Variants in CSMD1 observed in about 807,000 individuals in gnomAD.
CSMD1 encodes the protein CUB and sushi domain-containing protein 1.
A neutral mutation model predicts 417.5 loss-of-function variants in CSMD1; 213 were observed. The observed-to-expected ratio is 0.51, with a 90% CI of 0.46 to 0.57. The LOEUF is 0.57. CSMD1 is among the 20% of genes least tolerant of loss of function. The pLI is 0.00. For synonymous variants in CSMD1, 2,862 were observed against 1,736.8 expected, an observed-to-expected ratio of 1.65 and a Z score of -16.11; for missense variants, 6,923 against 4,529.7, an observed-to-expected ratio of 1.53 and a Z score of -15.17.
chr8:3,837,781 C>G (rs904512315), intron 5 of CSMD1, among the ~76,000 whole-genome samples: 7 of 151,360 alleles, frequency 4.6e-5, no homozygotes, highest in Admixed American at 1.3e-4. Context: ...TTTGTTTTCT[C>G]AGACTGCACT....
chr8:4,704,750 G>T (rs191814293), intron 1 of CSMD1, among the ~76,000 whole-genome samples: 1 of 152,164 alleles, frequency 6.6e-6, no homozygotes, highest in South Asian at 2.1e-4. Context: ...TTCTGGATAT[G>T]TGTGAGTTGT....
At chr8:4,649,060 G>A (rs1284942718) in intron 1 of CSMD1, among the ~76,000 whole-genome samples, 2 of 152,058 alleles carry the variant, frequency 1.3e-5, no homozygotes, top group African/African-American at 4.8e-5. Flanking sequence ...GGCTTCAGTT[G>A]GTATATTTGC....
intron 23 of CSMD1, among the ~76,000 whole-genome samples, chr8:3,314,134 T>G (rs1478022135): frequency 3.6e-5 from 5 of 139,592 alleles, no homozygotes; most frequent in African/African-American, 5.5e-5. Context: ...GTGGGGGGAG[T>G]GGGGAGGGAT....
At chr8:3,265,481 C>T (rs1296133775) in intron 26 of CSMD1, among the ~76,000 whole-genome samples, 2 of 152,164 alleles carry the variant, frequency 1.3e-5, no homozygotes, top group Non-Finnish European at 2.9e-5. Context: ...GGTGTTTAAC[C>T]GCAACCTGTC....
chr8:3,520,406 T>C (rs1465604183), intron 10 of CSMD1, among the ~76,000 whole-genome samples: 1 of 152,148 alleles, frequency 6.6e-6, no homozygotes, highest in Non-Finnish European at 1.5e-5. Flanking sequence ...AAGTATATCA[T>C]CACATACAGC....
At chr8:4,891,010 C>G (rs1255755258) in intron 1 of CSMD1, among the ~76,000 whole-genome samples, 2 of 152,072 alleles carry the variant, frequency 1.3e-5, no homozygotes, top group Non-Finnish European at 2.9e-5. Flanking sequence ...AAGACCTCTC[C>G]AAATAAATAG....
chr8:3,801,700 A>T (rs1800469137), intron 5 of CSMD1, among the ~76,000 whole-genome samples: 1 of 152,220 alleles, frequency 6.6e-6, no homozygotes, highest in African/African-American at 2.4e-5. Context: ...CATTCATAAT[A>T]TCCAAAATAT....
intron 18 of CSMD1, among the ~76,000 whole-genome samples, chr8:3,373,894 A>G (rs1218163924): frequency 6.6e-6 from 1 of 152,168 alleles, no homozygotes; most frequent in African/African-American, 2.4e-5. Flanking sequence ...TTGAAGAACA[A>G]AAGAGGAGAC....
At chr8:4,838,233 C>G (rs1016562324) in intron 1 of CSMD1, among the ~76,000 whole-genome samples, 2 of 152,176 alleles carry the variant, frequency 1.3e-5, no homozygotes, top group African/African-American at 4.8e-5. Context: ...GGGTTTCGTT[C>G]TGGGTTTTAT....
At chr8:4,986,104 A>T (rs965499886) in intron 1 of CSMD1, among the ~76,000 whole-genome samples, 2 of 152,222 alleles carry the variant, frequency 1.3e-5, no homozygotes, top group African/African-American at 2.4e-5. Flanking sequence ...AAATGTGGTG[A>T]CTAAAATTGT....
At chr8:3,345,029 G>C (rs147174219) in intron 22 of CSMD1, among the ~76,000 whole-genome samples, 3,806 of 152,312 alleles carry the variant, frequency 0.025, 71 homozygotes, top group Non-Finnish European at 0.035. Context: ...GGGTCAAAGA[G>C]AAAAGGTGCA....
chr8:3,420,708 C>G (rs1406677330), intron 12 of CSMD1, among the ~76,000 whole-genome samples: 2 of 152,178 alleles, frequency 1.3e-5, no homozygotes, highest in African/African-American at 2.4e-5. Flanking sequence ...GGTCTTAATA[C>G]CTTTGTCACG....
intron 23 of CSMD1, among the ~76,000 whole-genome samples, chr8:3,330,655 A>T (rs1015574692): frequency 6.6e-6 from 1 of 152,180 alleles, no homozygotes; most frequent in Admixed American, 6.5e-5. Flanking sequence ...TACTAGGCTT[A>T]GTGCCTGGGT....
chr8:4,037,183 G>A (rs1409475589), intron 3 of CSMD1, among the ~76,000 whole-genome samples: 2 of 152,208 alleles, frequency 1.3e-5, no homozygotes, highest in Non-Finnish European at 2.9e-5. Flanking sequence ...TATTAGAAGT[G>A]TTTTGATCTT....
At chr8:3,046,075 T>C (rs1021446187) in intron 50 of CSMD1, among the ~76,000 whole-genome samples, 1 of 152,170 alleles carries the variant, frequency 6.6e-6, no homozygotes, top group Admixed American at 6.5e-5. Flanking sequence ...GAGCTCAAAA[T>C]AAAGAGAAGT....
chr8:3,426,102 A>C (rs1813822023), intron 12 of CSMD1, among the ~76,000 whole-genome samples: 1 of 152,224 alleles, frequency 6.6e-6, no homozygotes, highest in Non-Finnish European at 1.5e-5. Flanking sequence ...CTATTGCATG[A>C]ATTATACTTG....
At chr8:4,092,866 G>C (rs1277268619) in intron 3 of CSMD1, among the ~76,000 whole-genome samples, 1 of 151,872 alleles carries the variant, frequency 6.6e-6, no homozygotes, top group Non-Finnish European at 1.5e-5. Context: ...ATTATAAGTA[G>C]AATTTAAATA....
At chr8:3,309,130 G>C (rs972049257) in intron 23 of CSMD1, among the ~76,000 whole-genome samples, 2 of 151,222 alleles carry the variant, frequency 1.3e-5, no homozygotes, top group African/African-American at 2.5e-5. Context: ...AGGACCTCTA[G>C]GAACGGGATA....
chr8:4,185,699 A>G (rs937413911), intron 3 of CSMD1, among the ~76,000 whole-genome samples: 4 of 152,218 alleles, frequency 2.6e-5, no homozygotes, highest in Admixed American at 1.3e-4. Flanking sequence ...GTTTGAAGAC[A>G]TGTACTGAAA....
Sources: gnomAD v4.1 joint callset for allele counts (sites outside exome capture counted in the v4.1 genomes callset) on GRCh38, gnomAD v4.1.1 for gene constraint, MANE v1.5 for transcripts, NCBI Gene and HGNC (gene_info 2026-07-23, HGNC 2026-07-21) for gene names.